Variants in KCNIP1 observed in about 807,000 individuals in gnomAD.
KCNIP1 encodes A-type potassium channel modulatory protein KCNIP1.
KCNIP1 carries 18 observed loss-of-function variants against 33.0 expected under a neutral mutation model. That is an observed-to-expected ratio of 0.55 (90% CI 0.38 to 0.81). The LOEUF is 0.81. Among genes scored for constraint, KCNIP1 ranks in the 30% least tolerant of loss-of-function variants. KCNIP1 has a pLI of 0.00. For synonymous variants in KCNIP1, 93 were observed against 98.3 expected (o/e 0.95, Z 0.32); for missense variants, 238 against 271.6 (o/e 0.88, Z 0.87).
intron 1 of KCNIP1, among the ~76,000 whole-genome samples, chr5:170,472,332 C>T (rs764913649): frequency 3.1e-4 from 47 of 152,220 alleles, no homozygotes; most frequent in Non-Finnish European, 3.8e-4. Context: ...GACGCTGGGG[C>T]GGCGCCTGCC....
intron 1 of KCNIP1, among the ~76,000 whole-genome samples, chr5:170,534,472 AGG>A: frequency 1.5e-5 from 1 of 66,284 alleles, no homozygotes; most frequent in South Asian, 3.7e-4. Context: ...GAGAGGGAGA[AGG>A]AGGAGGAGGA....
chr5:170,505,582 G>A (rs1754684763), intron 1 of KCNIP1, among the ~76,000 whole-genome samples: 1 of 152,198 alleles, frequency 6.6e-6, no homozygotes, highest in South Asian at 2.1e-4. Flanking sequence ...ATACAGGTGG[G>A]AGTTAAGCTC....
At chr5:170,447,962 G>T (rs1756158673) in intron 1 of KCNIP1, among the ~76,000 whole-genome samples, 1 of 151,574 alleles carries the variant, frequency 6.6e-6, no homozygotes, top group African/African-American at 2.4e-5. Flanking sequence ...GTCATCCAAG[G>T]GTCAGGCTTG....
intron 1 of KCNIP1, among the ~76,000 whole-genome samples, chr5:170,597,333 T>C (rs998507013): frequency 2.0e-5 from 3 of 152,190 alleles, no homozygotes; most frequent in African/African-American, 7.2e-5. Context: ...AAGGATGAGC[T>C]ATCAGGCCTT....
chr5:170,535,381 A>G (rs975842190), intron 1 of KCNIP1, among the ~76,000 whole-genome samples: 1 of 152,220 alleles, frequency 6.6e-6, no homozygotes, highest in African/African-American at 2.4e-5. Context: ...TGAGGCCACA[A>G]GCAAAGGCCA....
chr5:170,671,615 T>A (rs1303754827), intron 1 of KCNIP1, among the ~76,000 whole-genome samples: 1 of 152,240 alleles, frequency 6.6e-6, no homozygotes, highest in Non-Finnish European at 1.5e-5. Context: ...ATTTGAGTTA[T>A]GTCTGTCTCC....
intron 1 of KCNIP1, among the ~76,000 whole-genome samples, chr5:170,565,571 A>G (rs1757176969): frequency 6.6e-6 from 1 of 152,166 alleles, no homozygotes; most frequent in African/African-American, 2.4e-5. Context: ...AATACCTAAC[A>G]TTTGTTAAGT....
chr5:170,646,111 C>T (rs775144364), intron 1 of KCNIP1, among the ~76,000 whole-genome samples: 9 of 152,120 alleles, frequency 5.9e-5, no homozygotes, highest in Non-Finnish European at 1.0e-4. Context: ...AACATCCTTT[C>T]GAAACAGAAA....
chr5:170,471,508 G>C (rs909924145), intron 1 of KCNIP1, among the ~76,000 whole-genome samples: 62 of 152,206 alleles, frequency 4.1e-4, no homozygotes, highest in African/African-American at 1.5e-3. Flanking sequence ...ACAGCTCAGG[G>C]AGGGAGGAAG....
intron 1 of KCNIP1, among the ~76,000 whole-genome samples, chr5:170,648,015 G>A (rs1434347175): frequency 1.3e-5 from 2 of 152,142 alleles, no homozygotes; most frequent in African/African-American, 2.4e-5. Flanking sequence ...TGGCAAGTAA[G>A]CATGTGAAAA....
At chr5:170,705,996 T>G (rs1763246159) in intron 1 of KCNIP1, among the ~76,000 whole-genome samples, 1 of 152,254 alleles carries the variant, frequency 6.6e-6, no homozygotes, top group African/African-American at 2.4e-5. Flanking sequence ...TGAATTAGTC[T>G]AATAACCATA....
intron 1 of KCNIP1, among the ~76,000 whole-genome samples, chr5:170,367,347 GAA>G (rs36006713): frequency 0.024 from 1,938 of 80,550 alleles, 25 homozygotes; most frequent in East Asian, 0.037. Flanking sequence ...AAGAAGGAAA[GAA>G]AAAGAAAGAA....
intron 1 of KCNIP1, among the ~76,000 whole-genome samples, chr5:170,370,578 T>C (rs894235138): frequency 2.0e-5 from 3 of 152,160 alleles, no homozygotes; most frequent in African/African-American, 4.8e-5. Context: ...TTCAAACAAG[T>C]CCTGAGAGAG....
intron 1 of KCNIP1, among the ~76,000 whole-genome samples, chr5:170,480,167 T>C (rs1292165017): frequency 1.3e-5 from 2 of 152,232 alleles, no homozygotes; most frequent in African/African-American, 4.8e-5. Context: ...AGTACTTTTA[T>C]ACTTATTCTT....
At chr5:170,658,245 C>G (rs1761344865) in intron 1 of KCNIP1, among the ~76,000 whole-genome samples, 2 of 152,156 alleles carry the variant, frequency 1.3e-5, no homozygotes, top group South Asian at 4.1e-4. Context: ...GTTATGGAGG[C>G]TTGGAAGTCC....
intron 1 of KCNIP1, among the ~76,000 whole-genome samples, chr5:170,607,075 G>T (rs1758950708): frequency 6.6e-6 from 1 of 152,176 alleles, no homozygotes; most frequent in Non-Finnish European, 1.5e-5. Context: ...CTAGAGGAAG[G>T]ACCACCTCCT....
intron 1 of KCNIP1, among the ~76,000 whole-genome samples, chr5:170,488,708 G>A (rs969479559): frequency 4.6e-5 from 7 of 152,168 alleles, no homozygotes; most frequent in Non-Finnish European, 8.8e-5. Context: ...CTCCCTGGGG[G>A]AGAGGCCGCA....
chr5:170,399,820 GT>G (rs1376331719), intron 1 of KCNIP1, among the ~76,000 whole-genome samples: 1 of 151,992 alleles, frequency 6.6e-6, no homozygotes, highest in Non-Finnish European at 1.5e-5. Flanking sequence ...TATTTTCCAG[GT>G]TTTGCTATTA....
In KCNIP1 at chr5:170,437,921, C is replaced by T. The variant is rs116071628; in HGVS notation, c.88+83957C>T. Reference sequence around the variant, plus strand: ...ACCTTGGGCCACCAAGCTCCTTCCCCGGAGTTGGCTCTGAGGCCAATCCCC... The same window carrying T: ...ACCTTGGGCCACCAAGCTCCTTCCCTGGAGTTGGCTCTGAGGCCAATCCCC... On this transcript the variant is annotated intron_variant, in intron 1 of 7. Transcript: ENST00000377360. Among the ~76,000 whole-genome samples, 558 of 152,344 alleles carry T rather than the reference C, an allele frequency of 3.7e-3. 3 individuals carry two copies. Among genetic ancestry groups the T allele is most frequent in the African/African-American group, 0.013 (537 of 41,578 alleles).
Sources: gnomAD v4.1 joint callset for allele counts (sites outside exome capture counted in the v4.1 genomes callset) on GRCh38, gnomAD v4.1.1 for gene constraint, MANE v1.5 for transcripts, NCBI Gene and HGNC (gene_info 2026-07-23, HGNC 2026-07-21) for gene names.